DAPK1: variants seen among roughly 807,000 people sequenced by gnomAD.
The protein encoded by DAPK1 is death associated protein kinase 1, also known as death-associated protein kinase 1.
In DAPK1, 56 loss-of-function variants were observed where a neutral mutation model predicts 144.9. That is an observed-to-expected ratio of 0.39 (90% confidence interval 0.31 to 0.48). DAPK1 has a LOEUF of 0.48. Ranked by LOEUF, DAPK1 falls within the 20% of genes least tolerant of loss-of-function variation. The pLI is 0.95. For missense variants in DAPK1, 1,454 were observed against 1,875.4 expected (o/e 0.78, Z 4.15); for synonymous variants, 690 against 749.0 (o/e 0.92, Z 1.29).
intron 2 of DAPK1, among the ~76,000 whole-genome samples, chr9:87,571,941 C>T (rs1827377510): frequency 6.6e-6 from 1 of 152,194 alleles, no homozygotes; most frequent in Admixed American, 6.5e-5. Context: ...CAGGGATCTT[C>T]CTTCCAGGGC....
intron 2 of DAPK1, among the ~76,000 whole-genome samples, chr9:87,511,918 G>A (rs1038068601): frequency 9.2e-5 from 14 of 152,064 alleles, no homozygotes; most frequent in African/African-American, 3.4e-4. Context: ...CACCATGCTG[G>A]CCAGGCTGGT....
At chr9:87,632,024 GTA>G (rs1018119522) in intron 3 of DAPK1, 2 of 781,790 alleles carry the variant, frequency 2.6e-6, no homozygotes, top group Non-Finnish European at 3.1e-6. Flanking sequence ...AGGAGGATGA[GTA>G]TATATGTAGG....
chr9:87,670,189 G>A (rs887178446), intron 19 of DAPK1, among the ~76,000 whole-genome samples: 1 of 152,064 alleles, frequency 6.6e-6, no homozygotes. Context: ...ACAAGCAGGG[G>A]CAAGGGAGAT....
chr9:87,664,437 G>T (rs926305372), intron 18 of DAPK1, among the ~76,000 whole-genome samples: 9 of 152,190 alleles, frequency 5.9e-5, no homozygotes, highest in Non-Finnish European at 1.0e-4. Context: ...CCCGCTACGG[G>T]CATGTGGGCA....
chr9:87,698,940 A>G (rs1231544868), intron 23 of DAPK1, 146 bp downstream of exon 23: 5 of 596,880 alleles, frequency 8.4e-6, no homozygotes, highest in South Asian at 4.1e-5. Flanking sequence ...CTTTTCTTGT[A>G]CAGGTCTTGT....
intron 22 of DAPK1, 28 bp from the exon 23 acceptor site, chr9:87,698,628 C>T: frequency 6.4e-7 from 1 of 1,551,568 alleles, no homozygotes; most frequent in Non-Finnish European, 8.9e-7. Flanking sequence ...GGACCCACCC[C>T]CTGAAGCAGT....
At chr9:87,698,889 A>G in intron 23 of DAPK1, 95 bp downstream of exon 23, 2 of 739,260 alleles carry the variant, frequency 2.7e-6, no homozygotes, top group Admixed American at 2.4e-5. Context: ...AGTCTCATGA[A>G]CCAGAGAAAG....
chr9:87,610,617 G>T (rs1313917158), intron 3 of DAPK1, among the ~76,000 whole-genome samples: 1 of 152,256 alleles, frequency 6.6e-6, no homozygotes, highest in African/African-American at 2.4e-5. Flanking sequence ...CCCAGCCATT[G>T]TTCAAACCCA....
intron 2 of DAPK1, among the ~76,000 whole-genome samples, chr9:87,548,209 A>G (rs760026286): frequency 6.6e-6 from 1 of 152,134 alleles, no homozygotes; most frequent in Non-Finnish European, 1.5e-5. Context: ...CTTCACCATT[A>G]CCTTTCGCAA....
At chr9:87,557,358 G>A (rs1404379711) in intron 2 of DAPK1, among the ~76,000 whole-genome samples, 2 of 152,104 alleles carry the variant, frequency 1.3e-5, no homozygotes, top group Non-Finnish European at 2.9e-5. Flanking sequence ...TTCTTTCTAC[G>A]TTTCACCCAC....
At chr9:87,687,569 CT>C (rs1241097454) in intron 21 of DAPK1, among the ~76,000 whole-genome samples, 2 of 152,144 alleles carry the variant, frequency 1.3e-5, no homozygotes, top group East Asian at 3.8e-4. Context: ...AATTCCGTAT[CT>C]TTGCTATTGT....
intron 2 of DAPK1, among the ~76,000 whole-genome samples, chr9:87,583,277 A>G (rs1233958732): frequency 6.6e-6 from 1 of 152,112 alleles, no homozygotes; most frequent in Non-Finnish European, 1.5e-5. Flanking sequence ...TGTTCAAGGA[A>G]CACTCGTTGA....
intron 21 of DAPK1, among the ~76,000 whole-genome samples, chr9:87,696,160 T>C (rs1021405693): frequency 9.3e-5 from 2 of 21,566 alleles, no homozygotes; most frequent in African/African-American, 4.4e-4. Flanking sequence ...AAAATATATA[T>C]GTATACAGAC....
Position 87,497,869 on chromosome 9 carries a change from T to C in DAPK1, c.-347T>C. The C allele has an allele frequency of 2.5e-6, 1 of 392,654 alleles. No homozygotes were observed. Among genetic ancestry groups the C allele is most frequent in the Non-Finnish European group, 4.5e-6 (1 of 222,724 alleles). 24.3% of individuals were successfully genotyped at this position (392,654 alleles called of 1,614,324 possible). ...AGGCGGCAAGGAGCCGAGAGGCTGCTTCGGAGTGTGAGGAGGACAGCCGGA... is the reference window on the plus strand; with the variant it reads ...AGGCGGCAAGGAGCCGAGAGGCTGCCTCGGAGTGTGAGGAGGACAGCCGGA... On this transcript the variant is annotated 5_prime_UTR_variant, in exon 1 of 26. Coordinates refer to ENST00000408954, the MANE Select transcript of DAPK1 (RefSeq NM_004938.4).
At chr9:87,651,036 A>G (rs918036643) in intron 16 of DAPK1, among the ~76,000 whole-genome samples, 1 of 152,210 alleles carries the variant, frequency 6.6e-6, no homozygotes, top group African/African-American at 2.4e-5. Context: ...CTGGTTTTTC[A>G]TGGGATGCAG....
chr9:87,702,622 C>T (rs562206318), intron 24 of DAPK1, among the ~76,000 whole-genome samples: 66 of 152,252 alleles, frequency 4.3e-4, no homozygotes, highest in African/African-American at 1.6e-3. Flanking sequence ...ATTCCAAAAA[C>T]GTTCCTAGAA....
Position 87,546,890 on chromosome 9 carries a change from C to T in DAPK1, c.62+47751C>T, listed in dbSNP as rs116409437. Among the ~76,000 whole-genome samples, 1,056 of 152,258 alleles carry T rather than the reference C, an allele frequency of 6.9e-3. 24 individuals are homozygous for T. The highest frequency in any genetic ancestry group is 0.024 in the African/African-American group (999 of 41,552). The stretch of plus-strand genomic sequence containing the variant: ...AAAAAAAATCAGCCTGGTACAGTGA[C>T]TCATGCCTGTAGTCCCAGCACTTTG... On this transcript the variant is annotated intron_variant, in intron 2 of 25. Transcript: ENST00000408954.
At chr9:87,629,887 G>A (rs900741788) in intron 3 of DAPK1, among the ~76,000 whole-genome samples, 1 of 152,088 alleles carries the variant, frequency 6.6e-6, no homozygotes, top group African/African-American at 2.4e-5. Context: ...TGACTTCTGA[G>A]GCAGCATCCA....
At chr9:87,507,315 C>T (rs983398656) in intron 2 of DAPK1, among the ~76,000 whole-genome samples, 11 of 152,110 alleles carry the variant, frequency 7.2e-5, no homozygotes, top group African/African-American at 1.4e-4. Flanking sequence ...TGGGTTCAAG[C>T]GATTCTCCTG....
Sources: gnomAD v4.1 joint callset for allele counts (sites outside exome capture counted in the v4.1 genomes callset) on GRCh38, gnomAD v4.1.1 for gene constraint, MANE v1.5 for transcripts, NCBI Gene and HGNC (gene_info 2026-07-23, HGNC 2026-07-21) for gene names.